The following INF2 variants were observed in gnomAD, a reference collection of about 807,000 sequenced individuals.
The protein encoded by INF2 is inverted formin 2, also known as inverted formin-2.
Under a neutral mutation model 123.5 loss-of-function variants are expected in INF2, and 43 were observed. The observed-to-expected ratio is 0.35, with a 90% CI of 0.27 to 0.45. The LOEUF (loss-of-function observed/expected upper bound fraction) is 0.45, where lower values mean the gene tolerates loss of function less well. Ranked by LOEUF, INF2 falls within the 20% of genes least tolerant of loss-of-function variation. The pLI, the probability that INF2 is intolerant of heterozygous loss-of-function variation, is 1.00. For synonymous variants in INF2, 851 were observed against 745.0 expected (o/e 1.14, Z -2.32); for missense variants, 1,453 against 1,682.7 (o/e 0.86, Z 2.39).
At chr14:104,696,034 T>C (rs1889175538) in intron 1 of INF2, among the ~76,000 whole-genome samples, 1 of 152,208 alleles carries the variant, frequency 6.6e-6, no homozygotes, top group Non-Finnish European at 1.5e-5. Flanking sequence ...CAGTTAGTGA[T>C]TGGGCAGGTG....
At position 104,714,837 on chromosome 14, in the gene INF2, T is replaced by G; in HGVS notation, c.3675T>G (p.Arg1225=). ...SKGTGKRRKK[R]PSRSQEEVPP... Reference sequence around the variant, plus strand: ...GGACCGGGAAGCGAAGGAAGAAGCGTCCCTCCAGGAGCCAGGAAGGTAACT... The same window carrying G: ...GGACCGGGAAGCGAAGGAAGAAGCGGCCCTCCAGGAGCCAGGAAGGTAACT... Residue 1225 remains arginine, a synonymous_variant, in exon 21 of 23, where the codon CGT becomes CGG. Transcript: ENST00000392634. 1 of 1,586,830 alleles carries G rather than the reference T, an allele frequency of 6.3e-7. No homozygotes were observed. Among genetic ancestry groups the G allele is most frequent in the South Asian group, 1.1e-5 (1 of 87,384 alleles).
rs1001394467 is a variant in INF2 at position 104,699,261 on chromosome 14, A to G, written c.-9-2096A>G. ...AGGGGCCGGGCCTGGGAGAGTTCATAACTCCGTCCACTCAGCCTGTGCCAA... is the reference window on the plus strand; with the variant it reads ...AGGGGCCGGGCCTGGGAGAGTTCATGACTCCGTCCACTCAGCCTGTGCCAA... On this transcript the variant is annotated intron_variant, in intron 1 of 22. Transcript: ENST00000392634. This position sits in a 1 kb window ranked among gnomAD's most constrained non-coding sequence, Gnocchi z 4.7. 5 of 340,204 alleles carry G rather than the reference A, an allele frequency of 1.5e-5. No individual in the cohort carries two copies. The highest frequency in any genetic ancestry group is 1.1e-4 in the African/African-American group (5 of 43,558). 21.1% of individuals were successfully genotyped at this position (340,204 alleles called of 1,614,324 possible).
exon 1 of INF2, chr14:104,681,531 G>A (rs907485596): frequency 1.4e-5 from 18 of 1,287,730 alleles, no homozygotes; most frequent in East Asian, 5.6e-5. Flanking sequence ...CAAACTCCAC[G>A]TCTTATGAAA....
Position 104,706,163 on chromosome 14 carries a change from C to T in INF2, c.830C>T (p.Ser277Phe), listed in dbSNP as rs1486729681. Residue 277 changes from serine (S) to phenylalanine (F), a missense_variant, in exon 6 of 23, where the codon TCC becomes TTC. By Grantham distance (155) the Ser-to-Phe change is radical (BLOSUM62 -2). This residue lies in a region of INF2 where 251 missense variants were observed against 349.4 expected (regional missense o/e 0.72). Coordinates refer to ENST00000392634, the MANE Select transcript of INF2 (RefSeq NM_022489.4). ...DMSSHQEVFA[S>F]LFHKVSCSPV... ...AGCAGCCACCAGGAGGTCTTTGCCTCCCTGTTCCACAAGGTGGGCTGGGGG... is the reference window on the plus strand; with the variant it reads ...AGCAGCCACCAGGAGGTCTTTGCCTTCCTGTTCCACAAGGTGGGCTGGGGG... The T allele has an allele frequency of 1.4e-5, 22 of 1,584,780 alleles. No individual in the cohort carries two copies. The Admixed American group carries it at 3.8e-4, about 27-fold the overall frequency.
chr14:104,698,772 C>T (rs1336650310), intron 1 of INF2, among the ~76,000 whole-genome samples: 2 of 152,124 alleles, frequency 1.3e-5, no homozygotes, highest in Admixed American at 6.5e-5. Flanking sequence ...GGCAGCACCA[C>T]AGAAGGAGGA....
intron 2 of INF2, 116 bp from the exon 3 acceptor site, chr14:104,702,989 C>A: frequency 1.2e-6 from 1 of 816,254 alleles, no homozygotes; most frequent in Non-Finnish European, 2.0e-6. Context: ...CAGACAAGTG[C>A]CCGGCACCCC....
At chr14:104,718,711 G>A in intron 22 of INF2, 84 bp from the exon 23 acceptor site, 1 of 1,573,350 alleles carries the variant, frequency 6.4e-7, no homozygotes, top group Admixed American at 1.9e-5. Flanking sequence ...AGGGGTTCAG[G>A]GACCTGGGCA....
intron 12 of INF2, 124 bp from the exon 13 acceptor site, chr14:104,709,964 G>A (rs563064829): frequency 8.0e-6 from 7 of 873,696 alleles, no homozygotes; most frequent in Admixed American, 2.0e-5. Context: ...CCTGTTGGAT[G>A]GGGCAGGCGG....
intron 10 of INF2, 56 bp from the exon 11 acceptor site, chr14:104,709,225 T>G (rs906991777): frequency 3.6e-6 from 5 of 1,384,742 alleles, no homozygotes; most frequent in Non-Finnish European, 2.0e-6. Flanking sequence ...CCAAAGAGGC[T>G]GGGTGGGGGT....
upstream of INF2, chr14:104,681,135 C>T (rs1888518242): frequency 8.6e-6 from 2 of 231,458 alleles, no homozygotes; most frequent in Non-Finnish European, 1.8e-5. Context: ...GAGCTGCCAT[C>T]TGGGGGGTGG....
chr14:104,716,633 C>T (rs536349349), intron 22 of INF2, among the ~76,000 whole-genome samples: 7 of 152,366 alleles, frequency 4.6e-5, no homozygotes, highest in African/African-American at 1.7e-4. Context: ...CGCCCCAGCT[C>T]CTGCCACGCA....
intron 1 of INF2, chr14:104,681,730 C>G: frequency 1.7e-6 from 1 of 593,290 alleles, no homozygotes; most frequent in Non-Finnish European, 2.6e-6. Flanking sequence ...AGAGCCGGGA[C>G]AGCCTGGGGT....
intron 17 of INF2, 56 bp downstream of exon 17, chr14:104,712,609 C>T (rs758878662): frequency 3.2e-4 from 521 of 1,609,902 alleles, no homozygotes; most frequent in Non-Finnish European, 4.2e-4. Flanking sequence ...ATAGAGTGAG[C>T]TGGGCGAGTG....
chr14:104,695,270 G>C (rs1301026081), intron 1 of INF2, among the ~76,000 whole-genome samples: 3 of 152,122 alleles, frequency 2.0e-5, no homozygotes, highest in African/African-American at 7.2e-5. Context: ...GGTAGGTGCT[G>C]GCAGGCCCTC....
rs908819079 is a variant in INF2 at position 104,706,188 on chromosome 14, G to A, written c.843+12G>A. ...CCCTGTTCCACAAGGTGGGCTGGGG[G>A]CTGCAGGGCGGAGGGCAGCCCTCCA... On this transcript the variant is annotated intron_variant, in intron 6 of 22. Coordinates refer to ENST00000392634, the MANE Select transcript of INF2 (RefSeq NM_022489.4). 1.3e-6 allele frequency: 2 copies of A among 1,559,394 alleles called. No homozygotes were observed. The highest frequency in any genetic ancestry group is 1.7e-6 in the Non-Finnish European group (2 of 1,151,540).
At chr14:104,686,632 T>C (rs1415592446), upstream of INF2, among the ~76,000 whole-genome samples, 1 of 151,982 alleles carries the variant, frequency 6.6e-6, no homozygotes, top group Non-Finnish European at 1.5e-5. Flanking sequence ...CAAAATAAAA[T>C]CTCAAAAGGG....
chr14:104,697,229 A>G (rs758063963), intron 1 of INF2, among the ~76,000 whole-genome samples: 2 of 152,150 alleles, frequency 1.3e-5, no homozygotes, highest in Non-Finnish European at 2.9e-5. Flanking sequence ...GAGCTCCCAC[A>G]CTGTGCTGTG....
chr14:104,702,088 C>T (rs1167122966), intron 2 of INF2, among the ~76,000 whole-genome samples: 1 of 152,152 alleles, frequency 6.6e-6, no homozygotes, highest in South Asian at 2.1e-4. Flanking sequence ...GTCCACACCT[C>T]GGCGGCAGGA....
chr14:104,684,868 A>C (rs72713895), upstream of INF2: 15,368 of 152,252 alleles, frequency 0.1, 1,045 homozygotes, highest in Non-Finnish European at 0.15. The surrounding 1 kb of genome is among the most constrained non-coding windows in gnomAD (Gnocchi z 5.0). Context: ...GCAACCAATC[A>C]GTACACAATA....
Sources: allele counts gnomAD v4.1 joint callset (sites outside exome capture counted in the v4.1 genomes callset), GRCh38; gene constraint gnomAD v4.1.1; regional missense constraint gnomAD v4.1.1; non-coding constraint Gnocchi (gnomAD v3.1); transcripts MANE v1.5; gene names NCBI Gene and HGNC (gene_info 2026-07-23, HGNC 2026-07-21).